The following OSBPL10 variants were observed in gnomAD, a reference collection of about 807,000 sequenced individuals.
OSBPL10 encodes the protein oxysterol binding protein like 10.
Under a neutral mutation model 81.7 loss-of-function variants are expected in OSBPL10, and 49 were observed. The ratio of observed to expected loss-of-function variants is 0.60; its 90% CI spans 0.48 to 0.76. OSBPL10 has a LOEUF of 0.76. Ranked by LOEUF, OSBPL10 falls within the 30% of genes least tolerant of loss-of-function variation. The probability of loss-of-function intolerance (pLI) is 0.00; values close to 1 mark genes in which losing one functional copy is unlikely to be tolerated. For synonymous variants in OSBPL10, 419 were observed against 383.6 expected, an observed-to-expected ratio of 1.09 and a Z score of -1.08; for missense variants, 923 against 987.8, an observed-to-expected ratio of 0.93 and a Z score of 0.88.
chr3:31,787,840 T>C (rs1575544574), intron 4 of OSBPL10, among the ~76,000 whole-genome samples: 1 of 152,126 alleles, frequency 6.6e-6, no homozygotes, highest in African/African-American at 2.4e-5. Flanking sequence ...AAATGGCAAA[T>C]GGCATAAATA....
chr3:32,059,952 G>A (rs1699742830), intron 1 of OSBPL10, among the ~76,000 whole-genome samples: 2 of 151,976 alleles, frequency 1.3e-5, no homozygotes, highest in Non-Finnish European at 2.9e-5. Context: ...TATAGGGTTC[G>A]AGAAGCCAGG....
intron 2 of OSBPL10, among the ~76,000 whole-genome samples, chr3:32,037,862 G>A (rs530088112): frequency 3.9e-5 from 6 of 152,260 alleles, no homozygotes; most frequent in South Asian, 2.1e-4. Context: ...CTTCATGGAG[G>A]AGTGAAAACA....
intron 1 of OSBPL10, among the ~76,000 whole-genome samples, chr3:31,956,473 T>C (rs6550089): frequency 0.44 from 66,910 of 152,118 alleles, 15,428 homozygotes; most frequent in African/African-American, 0.58. Context: ...AATCCCAGCA[T>C]TTTGGGAGGC....
chr3:31,922,550 G>A (rs529327642), intron 1 of OSBPL10, among the ~76,000 whole-genome samples: 2 of 152,176 alleles, frequency 1.3e-5, no homozygotes, highest in Non-Finnish European at 2.9e-5. Flanking sequence ...CCCGGGAGGC[G>A]GAGGTTGCAG....
At chr3:32,043,870 C>T (rs112043831) in intron 2 of OSBPL10, among the ~76,000 whole-genome samples, 7 of 149,628 alleles carry the variant, frequency 4.7e-5, no homozygotes, top group African/African-American at 9.8e-5. Flanking sequence ...TGGGTACTCA[C>T]GGACATAAAG....
intron 2 of OSBPL10, among the ~76,000 whole-genome samples, chr3:32,027,758 A>T (rs1333852891): frequency 6.6e-6 from 1 of 152,210 alleles, no homozygotes; most frequent in Non-Finnish European, 1.5e-5. Flanking sequence ...TCCCCAGAGT[A>T]ACTGGGACTA....
intron 2 of OSBPL10, among the ~76,000 whole-genome samples, chr3:32,024,486 ATT>A (rs34141476): frequency 8.9e-5 from 10 of 111,740 alleles, no homozygotes; most frequent in African/African-American, 2.5e-4. Flanking sequence ...TGTGAATGGA[ATT>A]TTTTTTTTTT....
intron 2 of OSBPL10, among the ~76,000 whole-genome samples, chr3:32,023,648 C>A (rs775643796): frequency 6.6e-6 from 1 of 152,172 alleles, no homozygotes; most frequent in Non-Finnish European, 1.5e-5. Flanking sequence ...ACAAAATTGT[C>A]TTAGAACCGC....
At chr3:31,896,053 T>C (rs1696046391) in intron 1 of OSBPL10, among the ~76,000 whole-genome samples, 1 of 152,240 alleles carries the variant, frequency 6.6e-6, no homozygotes, top group Admixed American at 6.5e-5. Context: ...CATGTCTTAA[T>C]TTATGATAAT....
At position 31,965,019 on chromosome 3, in the gene OSBPL10, C is replaced by T. The variant is rs73823909; in HGVS notation, c.281+15880G>A. On this transcript the variant is annotated intron_variant, in intron 1 of 11. Transcript: ENST00000396556. Reference sequence around the variant, plus strand: ...ATAGCACAATTCATCCAATGACAACCAAATACATATTCTTTCAAGTATACA... The same window carrying T: ...ATAGCACAATTCATCCAATGACAACTAAATACATATTCTTTCAAGTATACA... Among the ~76,000 whole-genome samples the T allele has an allele frequency of 9.2e-3, 1,395 of 152,168 alleles. 28 individuals are homozygous for T. The highest frequency in any genetic ancestry group is 0.032 in the African/African-American group (1,313 of 41,508).
chr3:32,013,177 T>A (rs1276942055), intron 2 of OSBPL10, among the ~76,000 whole-genome samples: 1 of 152,150 alleles, frequency 6.6e-6, no homozygotes, highest in East Asian at 1.9e-4. Context: ...ATTCCAAAAT[T>A]GACCACATAG....
chr3:31,991,190 A>G, intron 2 of OSBPL10: 1 of 577,830 alleles, frequency 1.7e-6, no homozygotes. Context: ...TTATACCTGT[A>G]ATCCCAGCAC....
At chr3:31,980,368 G>A (rs988122137) in intron 1 of OSBPL10, among the ~76,000 whole-genome samples, 4 of 152,196 alleles carry the variant, frequency 2.6e-5, no homozygotes, top group Admixed American at 2.0e-4. Flanking sequence ...ACTGGGGCAG[G>A]AGTATGCACA....
chr3:31,967,928 G>C (rs147517434), intron 1 of OSBPL10, among the ~76,000 whole-genome samples: 1 of 152,178 alleles, frequency 6.6e-6, no homozygotes, highest in Non-Finnish European at 1.5e-5. Flanking sequence ...GCTCTATTCG[G>C]TGATTAAGTA....
At chr3:31,842,746 T>C (rs896949548) in intron 3 of OSBPL10, among the ~76,000 whole-genome samples, 1 of 152,210 alleles carries the variant, frequency 6.6e-6, no homozygotes, top group Non-Finnish European at 1.5e-5. Flanking sequence ...TCTAATTGGA[T>C]TCCTACAGCT....
intron 4 of OSBPL10, among the ~76,000 whole-genome samples, chr3:31,822,882 C>G (rs9816519): frequency 0.035 from 4,532 of 131,316 alleles, 230 homozygotes; most frequent in African/African-American, 0.12. Flanking sequence ...CTGCTATACT[C>G]CAGCCTCCAA....
intron 2 of OSBPL10, among the ~76,000 whole-genome samples, chr3:32,031,426 C>G (rs1475663276): frequency 6.6e-6 from 1 of 151,680 alleles, no homozygotes; most frequent in Non-Finnish European, 1.5e-5. Flanking sequence ...TTTTTAGATT[C>G]TCTTCAGTTA....
chr3:31,676,795 C>G (rs1038681596), intron 8 of OSBPL10, among the ~76,000 whole-genome samples: 3 of 152,246 alleles, frequency 2.0e-5, no homozygotes, highest in African/African-American at 7.2e-5. Context: ...CAGCTGAACG[C>G]CCCTCAGCTC....
At chr3:32,023,160 G>A (rs953882585) in intron 2 of OSBPL10, among the ~76,000 whole-genome samples, 1 of 152,134 alleles carries the variant, frequency 6.6e-6, no homozygotes, top group Non-Finnish European at 1.5e-5. Context: ...GTTTGGCTGT[G>A]ATCCATCCAA....
Sources: gnomAD v4.1 joint callset for allele counts (sites outside exome capture counted in the v4.1 genomes callset) on GRCh38, gnomAD v4.1.1 for gene constraint, MANE v1.5 for transcripts, NCBI Gene and HGNC (gene_info 2026-07-23, HGNC 2026-07-21) for gene names.